Variants in NLRC4 observed in about 807,000 individuals in gnomAD.
NLRC4 encodes the protein NLR family CARD domain-containing protein 4.
A neutral mutation model predicts 79.9 loss-of-function variants in NLRC4; 63 were observed. The observed-to-expected ratio is 0.79, with a 90% CI of 0.64 to 0.97. NLRC4 has a LOEUF of 0.97. Ranked by LOEUF, NLRC4 falls within the 50% of genes least tolerant of loss-of-function variation. NLRC4 has a pLI of 0.00. For synonymous variants in NLRC4, 461 were observed against 456.5 expected (o/e 1.01, Z -0.12); for missense variants, 1,074 against 1,215.2 (o/e 0.88, Z 1.73).
chr2:32,254,387 T>G (rs981900955), intron 2 of NLRC4, among the ~76,000 whole-genome samples: 1 of 151,962 alleles, frequency 6.6e-6, no homozygotes, highest in Non-Finnish European at 1.5e-5. Context: ...GAGTATCACA[T>G]CAAAACACTG....
At chr2:32,245,695 A>G (rs1273592162) in intron 4 of NLRC4, among the ~76,000 whole-genome samples, 1 of 152,212 alleles carries the variant, frequency 6.6e-6, no homozygotes, top group Non-Finnish European at 1.5e-5. Flanking sequence ...ATTATTACAC[A>G]TTGCATGCCT....
intron 5 of NLRC4, 34 bp downstream of exon 5, chr2:32,240,997 CTT>C (rs1200927289): frequency 7.7e-7 from 1 of 1,300,752 alleles, no homozygotes; most frequent in Admixed American, 1.7e-5. Flanking sequence ...TATTATCAAA[CTT>C]ACATTGATAC....
intron 2 of NLRC4, among the ~76,000 whole-genome samples, chr2:32,253,575 G>A (rs532332956): frequency 2.0e-5 from 3 of 152,304 alleles, no homozygotes; most frequent in African/African-American, 2.4e-5. Flanking sequence ...TTGTAAGACC[G>A]TTGGCTTTAG....
chr2:32,250,016 A>G lies in NLRC4; in HGVS notation c.1848T>C (p.Phe616=). Residue 616 remains phenylalanine (F), a synonymous_variant, in exon 4 of 9, where the codon TTT becomes TTC. Coordinates refer to ENST00000402280, the MANE Select transcript of NLRC4 (RefSeq NM_001199138.2). The surrounding 1 kb of genome is among the most constrained non-coding windows in gnomAD (Gnocchi z 4.9). ...CCCATGAAGCCATAGCTCCCCCATAAAAGTCCAGTTTAATGAAGTCCAGGG... is the reference window on the plus strand; with the variant it reads ...CCCATGAAGCCATAGCTCCCCCATAGAAGTCCAGTTTAATGAAGTCCAGGG... ...ASALDFIKLD[F]YGGAMASWEK... 6 of 1,614,236 alleles carry G rather than the reference A, an allele frequency of 3.7e-6. No homozygotes were observed. The highest frequency in any genetic ancestry group is 5.1e-6 in the Non-Finnish European group (6 of 1,180,044).
chr2:32,253,763 G>A (rs754122499), intron 2 of NLRC4, among the ~76,000 whole-genome samples: 9 of 151,778 alleles, frequency 5.9e-5, no homozygotes, highest in Non-Finnish European at 1.2e-4. Context: ...TCGGGAGTTC[G>A]AGACCAGCCT....
At chr2:32,242,235 C>G (rs2148937237) in intron 4 of NLRC4, among the ~76,000 whole-genome samples, 1 of 152,068 alleles carries the variant, frequency 6.6e-6, no homozygotes, top group Middle Eastern at 3.4e-3. Context: ...AAAGTTGGAT[C>G]TTTGAAAAGA....
intron 4 of NLRC4, among the ~76,000 whole-genome samples, chr2:32,241,834 G>A (rs1686811532): frequency 6.6e-6 from 1 of 151,690 alleles, no homozygotes; most frequent in Admixed American, 6.6e-5. Flanking sequence ...CTCACAAAGG[G>A]GTGAAAAGAA....
chr2:32,237,023 G>A (rs466125), intron 6 of NLRC4, among the ~76,000 whole-genome samples: 90,005 of 151,470 alleles, frequency 0.59, 27,016 homozygotes, highest in African/African-American at 0.63. Flanking sequence ...TACAAAAGAC[G>A]TGTTTGAATG....
intron 8 of NLRC4, among the ~76,000 whole-genome samples, chr2:32,232,478 C>T (rs893198370): frequency 6.6e-6 from 1 of 152,156 alleles, no homozygotes; most frequent in Non-Finnish European, 1.5e-5. Flanking sequence ...CATTTCATAC[C>T]TCTCATTCCA....
At chr2:32,234,815 T>A (rs1338684066) in intron 8 of NLRC4, among the ~76,000 whole-genome samples, 1 of 152,176 alleles carries the variant, frequency 6.6e-6, no homozygotes, top group Non-Finnish European at 1.5e-5. Context: ...ACTCCTAAAT[T>A]CCTGAACCAC....
At chr2:32,252,368 T>C (rs1428076835) in intron 3 of NLRC4, 51 bp downstream of exon 3, 12 of 1,378,392 alleles carry the variant, frequency 8.7e-6, no homozygotes, top group African/African-American at 1.4e-5. Flanking sequence ...TGGATCTTTG[T>C]TGTGGTCTAT....
At position 32,250,091 on chromosome 2, in the gene NLRC4, G is replaced by T; in HGVS notation, c.1773C>A (p.Ile591=). Residue 591 remains isoleucine, a synonymous_variant, in exon 4 of 9, where the codon ATC becomes ATA. Coordinates refer to ENST00000402280, the MANE Select transcript of NLRC4 (RefSeq NM_001199138.2). The surrounding 1 kb of genome is among the most constrained non-coding windows in gnomAD (Gnocchi z 4.9). ...CAAAGAAGTCAAATAAGTAATCGGGGATGTTCCCTGAGTTGATATATAAGC... is the reference window on the plus strand; with the variant it reads ...CAAAGAAGTCAAATAAGTAATCGGGTATGTTCCCTGAGTTGATATATAAGC... ...GKSLYINSGN[I]PDYLFDFFEH... The T allele has an allele frequency of 6.2e-7, 1 of 1,614,178 alleles. No homozygotes were observed. The highest frequency in any genetic ancestry group is 1.1e-5 in the South Asian group (1 of 91,082).
intron 4 of NLRC4, among the ~76,000 whole-genome samples, chr2:32,242,759 C>G (rs751279615): frequency 2.4e-4 from 36 of 152,106 alleles, no homozygotes; most frequent in Non-Finnish European, 5.0e-4. Context: ...AGAAGAAAAA[C>G]TTTTAGGCCA....
rs1309725626 is a variant in NLRC4 at position 32,241,555 on chromosome 2, T to C, written c.2258-430A>G. ...CCACGCCCGGCTAATTTTTTTTGTA[T>C]TTTTAGTAGAGACGGGGTTTCACCA... On this transcript the variant is annotated intron_variant, in intron 4 of 8. Coordinates refer to ENST00000402280, the MANE Select transcript of NLRC4 (RefSeq NM_001199138.2). Among the ~76,000 whole-genome samples the C allele has an allele frequency of 3.9e-5, 6 of 152,080 alleles. No homozygotes were observed. In the South Asian group the frequency reaches 1.0e-3, roughly 26 times the overall value.
At chr2:32,244,243 C>G (rs1467035498) in intron 4 of NLRC4, among the ~76,000 whole-genome samples, 1 of 152,044 alleles carries the variant, frequency 6.6e-6, no homozygotes, top group Non-Finnish European at 1.5e-5. Flanking sequence ...GAACAAGACC[C>G]TGCCTCAAAA....
intron 4 of NLRC4, among the ~76,000 whole-genome samples, chr2:32,247,128 T>C (rs1686955486): frequency 6.6e-6 from 1 of 152,102 alleles, no homozygotes; most frequent in African/African-American, 2.4e-5. Context: ...GATGAGAATC[T>C]TGTAACACAA....
intron 1 of NLRC4, among the ~76,000 whole-genome samples, chr2:32,261,967 G>C (rs529460789): frequency 2.0e-5 from 3 of 152,134 alleles, no homozygotes; most frequent in African/African-American, 7.2e-5. Flanking sequence ...TGTACTCCCA[G>C]CTACTCGGGA....
chr2:32,265,567 G>A (rs1322364216), upstream of NLRC4: 1 of 152,352 alleles, frequency 6.6e-6, no homozygotes, highest in African/African-American at 2.4e-5. Context: ...CATTGCTACT[G>A]CATTCAAGGT....
intron 4 of NLRC4, among the ~76,000 whole-genome samples, chr2:32,249,361 C>G (rs554320137): frequency 2.6e-5 from 4 of 152,226 alleles, no homozygotes; most frequent in African/African-American, 7.2e-5. Context: ...ATTCATAGCT[C>G]CTCCTGTAAT....
Sources: allele counts gnomAD v4.1 joint callset (sites outside exome capture counted in the v4.1 genomes callset), GRCh38; gene constraint gnomAD v4.1.1; non-coding constraint Gnocchi (gnomAD v3.1); transcripts MANE v1.5; gene names NCBI Gene and HGNC (gene_info 2026-07-23, HGNC 2026-07-21).